Variants in B4GALT6 observed in about 807,000 individuals in gnomAD.
The protein encoded by B4GALT6 is UDP-Gal:beta-GlcNAc beta-1,4-galactosyltransferase 6.
Under a neutral mutation model 46.3 loss-of-function variants are expected in B4GALT6, and 14 were observed. The observed-to-expected ratio is 0.30, with a 90% CI of 0.20 to 0.47. The LOEUF is 0.47. B4GALT6 is among the 20% of genes least tolerant of loss of function. The pLI is 0.99. For missense variants in B4GALT6, 386 were observed against 480.1 expected, an observed-to-expected ratio of 0.80 and a Z score of 1.83; for synonymous variants, 168 against 162.0, an observed-to-expected ratio of 1.04 and a Z score of -0.28.
At chr18:31,685,739 A>G (rs905030675), upstream of B4GALT6, 11 of 152,258 alleles carry the variant, frequency 7.2e-5, no homozygotes, top group Non-Finnish European at 1.5e-4. Context: ...CCTGAAAGGA[A>G]AAGGGCATCT....
chr18:31,724,186 C>A, the B4GALT6 span: 2 of 246,628 alleles, frequency 8.1e-6, no homozygotes, highest in Non-Finnish European at 1.6e-5. Flanking sequence ...CGGGATGGGG[C>A]GCGCGGTTGC....
At chr18:31,658,342 C>T in intron 2 of B4GALT6, 1 of 298,254 alleles carries the variant, frequency 3.4e-6, no homozygotes, top group Middle Eastern at 1.0e-3. Flanking sequence ...GTCCCACTTG[C>T]AACCATGTGA....
chr18:31,695,142 T>A, the B4GALT6 span, among the ~76,000 whole-genome samples: 1 of 151,216 alleles, frequency 6.6e-6, no homozygotes, highest in Non-Finnish European at 1.5e-5. Context: ...AGAAAAAAAA[T>A]TTCCCACTGC....
intron 3 of B4GALT6, among the ~76,000 whole-genome samples, chr18:31,657,503 A>G (rs17661533): frequency 0.18 from 26,895 of 152,182 alleles, 2,751 homozygotes; most frequent in South Asian, 0.26. Flanking sequence ...GTAGAAAACA[A>G]TTTTCATAAC....
chr18:31,622,628 A>C lies in B4GALT6; in HGVS notation c.*2986T>G, dbSNP rs1483933573. The C allele has an allele frequency of 6.6e-6, 1 of 152,098 alleles. No homozygotes were observed. Among genetic ancestry groups the C allele is most frequent in the Non-Finnish European group, 1.5e-5 (1 of 67,930 alleles). 9.4% of individuals were successfully genotyped at this position (152,098 alleles called of 1,614,324 possible). ...TGGACATTTTTCCATTTTGTTTTAAAATATCAGTATCTTGGCTGGCAAAAG... is the reference window on the plus strand; with the variant it reads ...TGGACATTTTTCCATTTTGTTTTAACATATCAGTATCTTGGCTGGCAAAAG... On this transcript the variant is annotated 3_prime_UTR_variant, in exon 9 of 9. Transcript: ENST00000306851.
At chr18:31,644,059 A>C (rs2073962064) in intron 4 of B4GALT6, among the ~76,000 whole-genome samples, 2 of 152,226 alleles carry the variant, frequency 1.3e-5, no homozygotes, top group African/African-American at 4.8e-5. Context: ...TGTGAGGAAA[A>C]TCAATCAAGA....
Position 31,627,109 on chromosome 18 carries a change from T to C in B4GALT6, c.789A>G (p.Lys263=). The part of the protein sequence containing the change: ...LDKYMYILPY[K]EFFGGVSGLT... ...GCCCACTTACACCACCAAAAAATTC[T>C]TTATATGGAAGACTAGAAAAGAAAG... Residue 263 remains lysine, a synonymous_variant, in exon 7 of 9, where the codon AAA becomes AAG. Coordinates refer to ENST00000306851, the MANE Select transcript of B4GALT6 (RefSeq NM_004775.5). 1 of 1,600,424 alleles carries C rather than the reference T, an allele frequency of 6.2e-7. No individual in the cohort carries two copies.
At chr18:31,643,254 G>A (rs534881555) in intron 4 of B4GALT6, among the ~76,000 whole-genome samples, 12 of 152,214 alleles carry the variant, frequency 7.9e-5, no homozygotes, top group African/African-American at 2.9e-4. Flanking sequence ...ATTCTGAGAA[G>A]GATTTGCTAA....
Position 31,666,569 on chromosome 18 carries a change from C to T in B4GALT6, c.116-197G>A, listed in dbSNP as rs76961162. Among the ~76,000 whole-genome samples, 704 of 149,832 alleles carry T rather than the reference C, an allele frequency of 4.7e-3. 3 individuals are homozygous for T. Among genetic ancestry groups the T allele is most frequent in the Non-Finnish European group, 7.6e-3 (513 of 67,328 alleles). ...CAAACTGATTTTTTAAGAATAAAAA[C>T]AAAAAAAAAGTTGAAATACCCACCT... On this transcript the variant is annotated intron_variant, in intron 1 of 8. Transcript: ENST00000306851.
intron 1 of B4GALT6, among the ~76,000 whole-genome samples, chr18:31,681,089 G>A (rs1396360061): frequency 7.2e-6 from 1 of 139,556 alleles, no homozygotes; most frequent in Non-Finnish European, 1.6e-5. Flanking sequence ...GGAAGAAAAT[G>A]AGCCTTAGTC....
chr18:31,677,018 T>C (rs2074422437), intron 1 of B4GALT6, among the ~76,000 whole-genome samples: 1 of 152,236 alleles, frequency 6.6e-6, no homozygotes, highest in African/African-American at 2.4e-5. Flanking sequence ...TACATAGCTT[T>C]TGAATATACC....
At chr18:31,714,148 A>G in the B4GALT6 span, among the ~76,000 whole-genome samples, 1 of 152,224 alleles carries the variant, frequency 6.6e-6, no homozygotes, top group Non-Finnish European at 1.5e-5. Flanking sequence ...AAGTGTAAAT[A>G]AAATTAAAAA....
chr18:31,627,813 T>C (rs2073720315), intron 6 of B4GALT6, among the ~76,000 whole-genome samples: 1 of 152,244 alleles, frequency 6.6e-6, no homozygotes, highest in East Asian at 1.9e-4. Flanking sequence ...TTTACTTAGC[T>C]AAACTGTGTG....
At chr18:31,708,217 C>T in the B4GALT6 span, among the ~76,000 whole-genome samples, 2 of 152,208 alleles carry the variant, frequency 1.3e-5, no homozygotes, top group Non-Finnish European at 2.9e-5. Context: ...TGAGAACTAC[C>T]TATTTAATGA....
intron 5 of B4GALT6, 54 bp downstream of exon 5, chr18:31,638,590 T>C: frequency 2.2e-6 from 3 of 1,344,904 alleles, no homozygotes; most frequent in Non-Finnish European, 3.2e-6. Flanking sequence ...TCTAACCATA[T>C]CTAAGAGTTT....
At chr18:31,719,037 G>C in the B4GALT6 span, 2 of 152,202 alleles carry the variant, frequency 1.3e-5, no homozygotes, top group Non-Finnish European at 2.9e-5. Flanking sequence ...CTCGTTCCAA[G>C]AGGATGACCA....
At chr18:31,659,474 G>C (rs1324898559) in intron 2 of B4GALT6, among the ~76,000 whole-genome samples, 1 of 152,208 alleles carries the variant, frequency 6.6e-6, no homozygotes, top group Non-Finnish European at 1.5e-5. Context: ...CGGCTGCTAA[G>C]CAGAGGGTGT....
chr18:31,719,099 CT>C, the B4GALT6 span: 1 of 152,226 alleles, frequency 6.6e-6, no homozygotes, highest in Non-Finnish European at 1.5e-5. Flanking sequence ...AATAGCTGCA[CT>C]CCCCTGCTAG....
At chr18:31,684,796 G>C, upstream of B4GALT6, 1 of 1,037,406 alleles carries the variant, frequency 9.6e-7, no homozygotes, top group Non-Finnish European at 1.2e-6. Flanking sequence ...AGGAGGCGCA[G>C]GCTGCGCGCC....
Sources: allele counts gnomAD v4.1 joint callset (sites outside exome capture counted in the v4.1 genomes callset), GRCh38; gene constraint gnomAD v4.1.1; transcripts MANE v1.5; gene names NCBI Gene and HGNC (gene_info 2026-07-23, HGNC 2026-07-21).